The following HTT variants were observed in gnomAD, a reference collection of about 807,000 sequenced individuals.
HTT encodes the protein huntingtin, also known as huntington disease protein.
Under a neutral mutation model 362.3 loss-of-function variants are expected in HTT, and 104 were observed. The ratio of observed to expected loss-of-function variants is 0.29; its 90% CI spans 0.24 to 0.34. HTT has a LOEUF of 0.34. HTT is among the 10% of genes least tolerant of loss of function. The pLI is 1.00. For synonymous variants in HTT, 1,577 were observed against 1,548.7 expected (o/e 1.02, Z -0.43); for missense variants, 3,301 against 3,928.6 (o/e 0.84, Z 4.27).
intron 46 of HTT, among the ~76,000 whole-genome samples, chr4:3,209,245 G>T (rs1560594535): frequency 6.6e-6 from 1 of 152,114 alleles, no homozygotes; most frequent in East Asian, 1.9e-4. Flanking sequence ...ATACCTTCTG[G>T]CCACCTGTGA....
intron 40 of HTT, among the ~76,000 whole-genome samples, chr4:3,196,256 C>T (rs1719253015): frequency 6.6e-6 from 1 of 152,172 alleles, no homozygotes; most frequent in Non-Finnish European, 1.5e-5. Flanking sequence ...CCAGTTGTTC[C>T]TCCCTCCACC....
At chr4:3,115,229 G>A (rs1436778780) in intron 6 of HTT, 75 bp from the exon 7 acceptor site, 49 of 1,418,022 alleles carry the variant, frequency 3.5e-5, no homozygotes, top group Non-Finnish European at 4.1e-5. Flanking sequence ...TCTAATTCAC[G>A]TTAAGTTTTA....
intron 48 of HTT, 68 bp downstream of exon 48, chr4:3,212,210 A>C (rs1720192200): frequency 8.2e-7 from 1 of 1,213,674 alleles, no homozygotes; most frequent in Middle Eastern, 2.8e-4. Flanking sequence ...CTTTGCACCA[A>C]GTAAATGTAC....
chr4:3,093,655 A>G (rs1045422739), intron 2 of HTT, among the ~76,000 whole-genome samples: 2 of 152,140 alleles, frequency 1.3e-5, no homozygotes, highest in Admixed American at 6.6e-5. Context: ...GCAATCACAT[A>G]TATATAAAAA....
intron 37 of HTT, among the ~76,000 whole-genome samples, chr4:3,184,524 C>T (rs1445410750): frequency 3.3e-5 from 5 of 152,214 alleles, no homozygotes; most frequent in East Asian, 1.9e-4. Flanking sequence ...GTCAGCATCC[C>T]TTGGCAGCAT....
rs531508862 is a variant in HTT at position 3,157,597 on chromosome 4, G to GAAGAA, written c.3753+402_3753+406dup. Among the ~76,000 whole-genome samples the GAAGAA allele has an allele frequency of 1.7e-3, 255 of 152,302 alleles. 2 individuals carry two copies. Among genetic ancestry groups the GAAGAA allele is most frequent in the Admixed American group, 3.0e-3 (46 of 15,298 alleles). On this transcript the variant is annotated intron_variant, in intron 28 of 66. Transcript: ENST00000355072. ...CATGAGCCACAATTCCAGACTCACAGAAGAAAAGCAGGTGTTCGGCATAAA... is the reference window on the plus strand; with the variant it reads ...CATGAGCCACAATTCCAGACTCACAGAAGAAAAGAAAAGCAGGTGTTCGGCATAAA...
chr4:3,077,601 G>A (rs558938232), intron 1 of HTT, among the ~76,000 whole-genome samples: 56 of 152,170 alleles, frequency 3.7e-4, no homozygotes, highest in African/African-American at 1.3e-3. Context: ...TGTATTTTTA[G>A]TAGAGATGGG....
intron 2 of HTT, among the ~76,000 whole-genome samples, chr4:3,092,755 G>T (rs1350546690): frequency 6.6e-6 from 1 of 152,178 alleles, no homozygotes. Context: ...AATAATGAAA[G>T]ATTTTTGCTT....
chr4:3,235,722 A>ACAGC lies in HTT; in HGVS notation c.8731_8734dup (p.Pro2912GlnfsTer27). Reference sequence around the variant, plus strand: ...CTGAGTGTGGACAGAGTGAACGTGCACAGCCCGCACCGGGCCATGGCGGCT... The same window carrying ACAGC: ...CTGAGTGTGGACAGAGTGAACGTGCACAGCCAGCCCGCACCGGGCCATGGCGGCT... On this transcript the variant is annotated frameshift_variant, in exon 63 of 67. Coordinates refer to ENST00000355072, the MANE Select transcript of HTT (RefSeq NM_001388492.1). LOFTEE classifies it high-confidence loss of function. The ACAGC allele has an allele frequency of 6.2e-7, 1 of 1,612,696 alleles. No individual in the cohort carries two copies. Among genetic ancestry groups the ACAGC allele is most frequent in the Non-Finnish European group, 8.5e-7 (1 of 1,180,024 alleles).
At chr4:3,154,998 A>G (rs2110212387) in intron 27 of HTT, among the ~76,000 whole-genome samples, 1 of 151,506 alleles carries the variant, frequency 6.6e-6, no homozygotes, top group East Asian at 2.0e-4. Context: ...ATTCCCATCC[A>G]TACTGCTCTC....
At chr4:3,196,375 C>T (rs1719257963) in intron 40 of HTT, among the ~76,000 whole-genome samples, 1 of 152,198 alleles carries the variant, frequency 6.6e-6, no homozygotes, top group South Asian at 2.1e-4. Flanking sequence ...CCTCTTATGT[C>T]TGCTTCCTGA....
chr4:3,234,603 G>A (rs769125032), intron 61 of HTT, among the ~76,000 whole-genome samples: 5 of 152,228 alleles, frequency 3.3e-5, no homozygotes, highest in Non-Finnish European at 7.3e-5. Context: ...GAGTTGAGGT[G>A]GTCCAGGAGT....
At chr4:3,190,456 G>C (rs914352063) in intron 40 of HTT, among the ~76,000 whole-genome samples, 6 of 151,884 alleles carry the variant, frequency 4.0e-5, no homozygotes, top group African/African-American at 1.5e-4. Flanking sequence ...GACGGTGAAG[G>C]TTGGGCATGG....
chr4:3,210,215 G>A (rs1254542635), intron 47 of HTT, among the ~76,000 whole-genome samples: 5 of 152,172 alleles, frequency 3.3e-5, no homozygotes, highest in Non-Finnish European at 7.3e-5. Flanking sequence ...CCACGGAGGT[G>A]TTGTTTTGAA....
Position 3,241,226 on chromosome 4 carries a change from T to A in HTT, c.*1167T>A, listed in dbSNP as rs999112498. 1 of 152,474 alleles carries A rather than the reference T, an allele frequency of 6.6e-6. No homozygotes were observed. Among genetic ancestry groups the A allele is most frequent in the Non-Finnish European group, 1.5e-5 (1 of 68,178 alleles). The allele number at this position is 152,474 out of a possible 1,614,324, so 9.4% of individuals were successfully genotyped here. On this transcript the variant is annotated 3_prime_UTR_variant, in exon 67 of 67. Coordinates refer to ENST00000355072, the MANE Select transcript of HTT (RefSeq NM_001388492.1). ...AGCAAAGCTTGGTGTCTTGGCACTG[T>A]TAGTGACAGAGCCCAGCATCCCTTC...
chr4:3,107,668 A>G (rs1714503884), intron 6 of HTT, among the ~76,000 whole-genome samples: 1 of 152,054 alleles, frequency 6.6e-6, no homozygotes, highest in Admixed American at 6.6e-5. Flanking sequence ...TTGAAAAGGC[A>G]TTTTTCCAGA....
At chr4:3,135,771 T>C in intron 19 of HTT, 133 bp from the exon 20 acceptor site, 2 of 533,754 alleles carry the variant, frequency 3.7e-6, no homozygotes, top group Admixed American at 3.7e-5. Context: ...CCATTGGCCT[T>C]TTTTGTTGTT....
chr4:3,132,905 T>C lies in HTT; in HGVS notation c.2487T>C (p.Ala829=), dbSNP rs746873728. ...TTACTTGCAAGTTAGCTTGTACAGC[T>C]GTGAGGGTGAGCATAATCTTCTGTG... ...SSVTCKLACT[A]VRNCVMSLCS... Residue 829 remains alanine (A), a synonymous_variant, in exon 18 of 67, where the codon GCT becomes GCC. Transcript: ENST00000355072. The C allele has an allele frequency of 4.3e-5, 69 of 1,607,334 alleles. No homozygotes were observed. The highest frequency in any genetic ancestry group is 5.5e-5 in the Non-Finnish European group (64 of 1,173,948).
At chr4:3,109,211 C>T (rs1377002752) in intron 6 of HTT, among the ~76,000 whole-genome samples, 1 of 151,920 alleles carries the variant, frequency 6.6e-6, no homozygotes, top group Non-Finnish European at 1.5e-5. Flanking sequence ...TATTTACTTT[C>T]ATGTTTCTTT....
Sources: gnomAD v4.1 joint callset for allele counts (sites outside exome capture counted in the v4.1 genomes callset) on GRCh38, gnomAD v4.1.1 for gene constraint, MANE v1.5 for transcripts, NCBI Gene and HGNC (gene_info 2026-07-23, HGNC 2026-07-21) for gene names.